COL24A1: variants seen among roughly 807,000 people sequenced by gnomAD.
The protein encoded by COL24A1 is collagen type XXIV alpha 1 chain, also known as collagen alpha-1(XXIV) chain.
A neutral mutation model predicts 253.9 loss-of-function variants in COL24A1; 224 were observed. The ratio of observed to expected loss-of-function variants is 0.88; its 90% confidence interval spans 0.79 to 0.99. The LOEUF (loss-of-function observed/expected upper bound fraction) is 0.99. COL24A1 is among the 50% of genes least tolerant of loss of function. The pLI is 0.00. For missense variants in COL24A1, 2,131 were observed against 2,068.5 expected (o/e 1.03, Z -0.59); for synonymous variants, 685 against 673.7 (o/e 1.02, Z -0.26).
At chr1:86,077,183 G>T (rs1702311097) in intron 7 of COL24A1, among the ~76,000 whole-genome samples, 2 of 152,062 alleles carry the variant, frequency 1.3e-5, no homozygotes, top group Non-Finnish European at 2.9e-5. Flanking sequence ...GTGGGCAAAG[G>T]CTATGAACAG....
intron 12 of COL24A1, among the ~76,000 whole-genome samples, chr1:86,046,577 A>G (rs1699918893): frequency 6.6e-6 from 1 of 152,170 alleles, no homozygotes; most frequent in South Asian, 2.1e-4. Flanking sequence ...CTTGCCGTAG[A>G]GATAAGGGTT....
intron 42 of COL24A1, among the ~76,000 whole-genome samples, chr1:85,840,877 C>G (rs1676535727): frequency 6.6e-6 from 1 of 151,934 alleles, no homozygotes; most frequent in Non-Finnish European, 1.5e-5. Context: ...AGAAATAAAT[C>G]TGAATGTGAT....
intron 5 of COL24A1, among the ~76,000 whole-genome samples, chr1:86,110,772 C>T (rs1409895583): frequency 6.6e-6 from 1 of 152,190 alleles, no homozygotes; most frequent in African/African-American, 2.4e-5. Context: ...CCTCAACCGC[C>T]TGCCCGCAGG....
At chr1:85,799,030 T>C (rs1272872228) in intron 47 of COL24A1, among the ~76,000 whole-genome samples, 1 of 152,088 alleles carries the variant, frequency 6.6e-6, no homozygotes, top group East Asian at 1.9e-4. Context: ...CATGGTAGAC[T>C]CATTTACTAC....
chr1:86,066,081 C>A (rs764395169), intron 7 of COL24A1, among the ~76,000 whole-genome samples: 139 of 152,214 alleles, frequency 9.1e-4, no homozygotes, highest in Non-Finnish European at 1.6e-3. Flanking sequence ...CAAACTAATG[C>A]TGCTAAGATA....
intron 37 of COL24A1, among the ~76,000 whole-genome samples, chr1:85,852,167 C>G (rs937011890): frequency 6.6e-6 from 1 of 151,928 alleles, no homozygotes; most frequent in African/African-American, 2.4e-5. Context: ...TTTGGATAAC[C>G]AATTGTACTG....
chr1:85,988,116 C>T (rs1571490436), intron 19 of COL24A1, among the ~76,000 whole-genome samples: 1 of 149,994 alleles, frequency 6.7e-6, no homozygotes, highest in Non-Finnish European at 1.5e-5. Flanking sequence ...AAAAAAACAG[C>T]ACCCAAAATT....
chr1:86,054,405 G>A (rs890730474), intron 10 of COL24A1, among the ~76,000 whole-genome samples: 4 of 151,870 alleles, frequency 2.6e-5, no homozygotes, highest in African/African-American at 9.7e-5. Flanking sequence ...ATCTGACAAA[G>A]GACTAATATC....
chr1:86,058,642 TA>T (rs1700836899), intron 9 of COL24A1, among the ~76,000 whole-genome samples: 1 of 151,800 alleles, frequency 6.6e-6, no homozygotes, highest in East Asian at 1.9e-4. Flanking sequence ...TATAAGGGAA[TA>T]CATTTAAAAT....
In COL24A1 at chr1:85,911,464, A is replaced by C. The variant is rs767655591; in HGVS notation, c.2563-31T>G. The C allele has an allele frequency of 1.9e-6, 3 of 1,565,942 alleles. No individual in the cohort carries two copies. In the South Asian group the frequency reaches 3.3e-5, roughly 17 times the overall value. ...AGGAAAAAAAAATAACAGAAAATAC[A>C]CACATATTGTATTGCTATTGTAGTG... On this transcript the variant is annotated intron_variant, in intron 24 of 59. Transcript: ENST00000370571.
At chr1:86,071,999 C>T (rs1004268518) in intron 7 of COL24A1, among the ~76,000 whole-genome samples, 9 of 152,194 alleles carry the variant, frequency 5.9e-5, no homozygotes, top group East Asian at 1.9e-4. Flanking sequence ...GCTTTTCCCA[C>T]GGTCTGTGAA....
intron 12 of COL24A1, among the ~76,000 whole-genome samples, chr1:86,035,688 C>G (rs1459535046): frequency 6.6e-6 from 1 of 152,004 alleles, no homozygotes; most frequent in Non-Finnish European, 1.5e-5. Flanking sequence ...TAAAAACTGC[C>G]AAATTATATA....
chr1:85,882,523 A>G (rs1444978316), intron 32 of COL24A1, among the ~76,000 whole-genome samples: 1 of 152,178 alleles, frequency 6.6e-6, no homozygotes, highest in African/African-American at 2.4e-5. Context: ...AAGGTGTTTT[A>G]TGGCCCAGAA....
chr1:85,902,111 G>A (rs946707833), intron 28 of COL24A1, among the ~76,000 whole-genome samples: 4 of 152,140 alleles, frequency 2.6e-5, no homozygotes, highest in African/African-American at 9.7e-5. Context: ...AAAGACAAAT[G>A]CCACATGTTC....
At chr1:86,030,639 T>G (rs1261633994) in intron 14 of COL24A1, 1 of 152,234 alleles carries the variant, frequency 6.6e-6, no homozygotes, top group Non-Finnish European at 1.5e-5. Context: ...AAATGAAGAT[T>G]TGAAGGGCAG....
At chr1:85,773,579 C>T (rs976944399) in intron 53 of COL24A1, among the ~76,000 whole-genome samples, 1 of 152,108 alleles carries the variant, frequency 6.6e-6, no homozygotes, top group Admixed American at 6.5e-5. Context: ...TTGAAGAGGT[C>T]CTTCACATCC....
chr1:85,966,860 AG>A (rs1021811539), intron 22 of COL24A1, among the ~76,000 whole-genome samples: 2 of 152,160 alleles, frequency 1.3e-5, no homozygotes, highest in African/African-American at 4.8e-5. Flanking sequence ...AACACTTTTG[AG>A]GAATTTTACT....
chr1:86,133,508 T>C (rs1164424046), intron 2 of COL24A1, among the ~76,000 whole-genome samples: 1 of 152,216 alleles, frequency 6.6e-6, no homozygotes, highest in East Asian at 1.9e-4. Flanking sequence ...GCACTTATTA[T>C]TTTGAGAAAC....
chr1:85,943,013 C>A (rs1217778889), intron 24 of COL24A1, among the ~76,000 whole-genome samples: 1 of 152,186 alleles, frequency 6.6e-6, no homozygotes, highest in Non-Finnish European at 1.5e-5. Context: ...GAGTGGACTA[C>A]TAGCTGGAGA....
Sources: gnomAD v4.1 joint callset for allele counts (sites outside exome capture counted in the v4.1 genomes callset) on GRCh38, gnomAD v4.1.1 for gene constraint, MANE v1.5 for transcripts, NCBI Gene and HGNC (gene_info 2026-07-23, HGNC 2026-07-21) for gene names.